KCNH5: variants seen among roughly 807,000 people sequenced by gnomAD.
The protein encoded by KCNH5 is potassium voltage-gated channel subfamily H member 5.
A neutral mutation model predicts 96.1 loss-of-function variants in KCNH5; 46 were observed. The observed-to-expected ratio is 0.48, with a 90% confidence interval of 0.38 to 0.61. KCNH5 has a LOEUF of 0.61. Ranked by LOEUF, KCNH5 falls within the 20% of genes least tolerant of loss-of-function variation. The pLI is 0.00. For synonymous variants in KCNH5, 439 were observed against 449.8 expected (o/e 0.98, Z 0.30); for missense variants, 907 against 1,225.8 (o/e 0.74, Z 3.88).
chr14:63,022,343 T>G (rs1303045800), intron 1 of KCNH5, among the ~76,000 whole-genome samples: 1 of 152,160 alleles, frequency 6.6e-6, no homozygotes, highest in South Asian at 2.1e-4. Flanking sequence ...ACTCCAGCCC[T>G]CTATCATCTC....
chr14:62,818,944 G>T (rs1259048611), intron 8 of KCNH5, among the ~76,000 whole-genome samples: 2 of 152,196 alleles, frequency 1.3e-5, no homozygotes, highest in East Asian at 1.9e-4. Flanking sequence ...CCATACAAAA[G>T]AATATTCTTT....
At chr14:62,897,402 T>C (rs139935717) in intron 7 of KCNH5, among the ~76,000 whole-genome samples, 4 of 152,278 alleles carry the variant, frequency 2.6e-5, no homozygotes, top group Non-Finnish European at 5.9e-5. Flanking sequence ...GAAAAGTATT[T>C]TTATTAGTGG....
chr14:62,843,094 T>C (rs1887619150), intron 8 of KCNH5, among the ~76,000 whole-genome samples: 1 of 152,160 alleles, frequency 6.6e-6, no homozygotes, highest in Admixed American at 6.5e-5. Context: ...TTACCTGTCA[T>C]ATCTCTCCCA....
At chr14:62,899,468 T>G (rs940716639) in intron 7 of KCNH5, among the ~76,000 whole-genome samples, 1 of 152,170 alleles carries the variant, frequency 6.6e-6, no homozygotes. Flanking sequence ...TTAAATGGCT[T>G]GATTTATTCA....
intron 10 of KCNH5, among the ~76,000 whole-genome samples, chr14:62,752,090 C>G (rs529253690): frequency 1.2e-4 from 19 of 152,306 alleles, no homozygotes; most frequent in South Asian, 2.1e-4. Context: ...CACATAATCT[C>G]TCCTCCCCAA....
rs531508210 is a variant in KCNH5 at position 62,925,817 on chromosome 14, A to G, written c.1369+24316T>C. 4.5e-4 allele frequency among the ~76,000 whole-genome samples: 69 copies of G among 152,172 alleles called. 1 individual carries two copies. Among genetic ancestry groups the G allele is most frequent in the African/African-American group, 1.6e-3 (68 of 41,544 alleles). On this transcript the variant is annotated intron_variant, in intron 7 of 10. Transcript: ENST00000322893. ...TATGGATTTCCACAGACTATAAATA[A>G]TAGTTAAATGGTTGAGTGCTCTCTG...
At chr14:62,826,059 C>T (rs750660052) in intron 8 of KCNH5, among the ~76,000 whole-genome samples, 124 of 152,108 alleles carry the variant, frequency 8.2e-4, no homozygotes, top group Non-Finnish European at 1.6e-3. Context: ...TTTAAGTTAC[C>T]TACATCCATT....
chr14:62,820,798 T>C (rs1320555718), intron 8 of KCNH5, among the ~76,000 whole-genome samples: 1 of 152,158 alleles, frequency 6.6e-6, no homozygotes, highest in African/African-American at 2.4e-5. Flanking sequence ...ACAATGAACA[T>C]ATACATGCAT....
chr14:62,827,634 T>G (rs1887253632), intron 8 of KCNH5, among the ~76,000 whole-genome samples: 2 of 152,202 alleles, frequency 1.3e-5, no homozygotes, highest in Admixed American at 1.3e-4. Context: ...TATCAAGAAG[T>G]CTGTTGTCAA....
chr14:63,027,293 G>A (rs909650338), intron 1 of KCNH5, among the ~76,000 whole-genome samples: 1 of 151,852 alleles, frequency 6.6e-6, no homozygotes, highest in Non-Finnish European at 1.5e-5. Context: ...AATGACAGTT[G>A]ATAGCAATAT....
rs537332753 is a variant in KCNH5, at chr14:62,878,996, T to C, written c.1370-29144A>G. 1.2e-3 allele frequency among the ~76,000 whole-genome samples: 184 copies of C among 152,246 alleles called. 1 individual carries two copies. The highest frequency in any genetic ancestry group is 3.1e-3 in the Admixed American group (47 of 15,268). On this transcript the variant is annotated intron_variant, in intron 7 of 10. Coordinates refer to ENST00000322893, the MANE Select transcript of KCNH5 (RefSeq NM_139318.5). Reference sequence around the variant, plus strand: ...CAAACACGGTTGCATTTTGAGGTACTGGGAACTTCGATGTAGGAATTTGAG... The same window carrying C: ...CAAACACGGTTGCATTTTGAGGTACCGGGAACTTCGATGTAGGAATTTGAG...
At chr14:62,883,971 C>T (rs1446032243) in intron 7 of KCNH5, among the ~76,000 whole-genome samples, 1 of 152,010 alleles carries the variant, frequency 6.6e-6, no homozygotes, top group Non-Finnish European at 1.5e-5. Flanking sequence ...AGTTGTTTCT[C>T]TTATTCAGAC....
chr14:63,017,740 T>G (rs1193383462), intron 1 of KCNH5, among the ~76,000 whole-genome samples: 2 of 151,358 alleles, frequency 1.3e-5, no homozygotes, highest in Non-Finnish European at 3.0e-5. Flanking sequence ...TGAACACATT[T>G]TTAATATAAA....
chr14:62,958,503 T>C (rs1890148272), intron 6 of KCNH5, among the ~76,000 whole-genome samples: 1 of 152,204 alleles, frequency 6.6e-6, no homozygotes, highest in African/African-American at 2.4e-5. Context: ...TGAATCATCC[T>C]GCTATCTGAT....
At chr14:63,020,145 G>T (rs1317292901) in intron 1 of KCNH5, among the ~76,000 whole-genome samples, 1 of 152,076 alleles carries the variant, frequency 6.6e-6, no homozygotes, top group African/African-American at 2.4e-5. Context: ...AATTACTAGA[G>T]TAGTTTTAAA....
At chr14:62,772,691 T>C (rs1886015730) in intron 10 of KCNH5, among the ~76,000 whole-genome samples, 2 of 151,882 alleles carry the variant, frequency 1.3e-5, no homozygotes, top group African/African-American at 4.8e-5. Context: ...AATTTTTATC[T>C]TTCTATGTAT....
chr14:62,718,370 C>T (rs931139520), intron 10 of KCNH5, among the ~76,000 whole-genome samples: 1 of 151,730 alleles, frequency 6.6e-6, no homozygotes, highest in Non-Finnish European at 1.5e-5. Context: ...GAAATAAAAA[C>T]ACAAAAGAAA....
intron 7 of KCNH5, among the ~76,000 whole-genome samples, chr14:62,917,017 T>C (rs1406553214): frequency 6.6e-6 from 1 of 152,194 alleles, no homozygotes; most frequent in Admixed American, 6.5e-5. Flanking sequence ...TGCTAGAAAT[T>C]AGAGTTTGAT....
chr14:62,914,600 C>T (rs1441128392), intron 7 of KCNH5, among the ~76,000 whole-genome samples: 1 of 152,112 alleles, frequency 6.6e-6, no homozygotes, highest in Non-Finnish European at 1.5e-5. Context: ...ATATATTTTA[C>T]ATGTATACAA....
Sources: allele counts gnomAD v4.1 joint callset (sites outside exome capture counted in the v4.1 genomes callset), GRCh38; gene constraint gnomAD v4.1.1; transcripts MANE v1.5; gene names NCBI Gene and HGNC (gene_info 2026-07-23, HGNC 2026-07-21).